Variants in ZNF830 observed in about 807,000 individuals in gnomAD.
The protein encoded by ZNF830 is zinc finger protein 830.
A neutral mutation model predicts 28.1 loss-of-function variants in ZNF830; 15 were observed. The ratio of observed to expected loss-of-function variants is 0.53; its 90% CI spans 0.36 to 0.82. ZNF830 has a LOEUF of 0.82. Among genes scored for constraint, ZNF830 ranks in the 40% least tolerant of loss-of-function variants. The pLI, the probability that ZNF830 is intolerant of heterozygous loss-of-function variation, is 0.01. For synonymous variants in ZNF830, 208 were observed against 185.3 expected (o/e 1.12, Z -0.99); for missense variants, 456 against 467.7 (o/e 0.97, Z 0.23).
At position 34,962,203 on chromosome 17, in the gene ZNF830, A is replaced by C. The variant is rs373195985; in HGVS notation, c.637A>C (p.Asn213His). The C allele has an allele frequency of 6.8e-6, 11 of 1,613,870 alleles. No homozygotes were observed. The highest frequency in any genetic ancestry group is 7.6e-6 in the Non-Finnish European group (9 of 1,180,034). Residue 213 changes from asparagine (N) to histidine (H), a missense_variant, in exon 1 of 1, where the codon AAT becomes CAT. Asn to His is a moderately conservative substitution (Grantham distance 68, BLOSUM62 1). Around this residue, in one of 2 missense-constraint regions of ZNF830, gnomAD observed 331 missense variants for 290.1 expected, o/e 1.14. Transcript: ENST00000361952. ...GCTGCCAAACGATTTCTTTAGTACT[A>C]ATCCTCCCAAGGCCCCCATAATTCC... ...SVLPNDFFST[N>H]PPKAPIIPHS...
chr17:34,961,662 C>T lies in ZNF830; in HGVS notation c.96C>T (p.Ser32=). ...TAATGAAGGAGAAGCAGCGTCTGAGCACCAGTCGGAAACGGATAGAATCTC... is the reference window on the plus strand; with the variant it reads ...TAATGAAGGAGAAGCAGCGTCTGAGTACCAGTCGGAAACGGATAGAATCTC... ...RRLMKEKQRL[S]TSRKRIESPF... The change falls in exon 1 of 1, where the codon AGC becomes AGT. Residue 32 remains serine (S), a synonymous_variant. Transcript: ENST00000361952. 1.9e-6 allele frequency: 3 copies of T among 1,614,182 alleles called. No homozygotes were observed. Among genetic ancestry groups the T allele is most frequent in the Non-Finnish European group, 1.7e-6 (2 of 1,180,040 alleles).
Position 34,961,830 on chromosome 17 carries a change from C to T in ZNF830, c.264C>T (p.Ala88=), listed in dbSNP as rs1462931218. The part of the protein sequence containing the change: ...KVAELKGAKE[A]SQGSSASSAP... ...CCGAGCTGAAAGGCGCGAAGGAAGC[C>T]AGCCAGGGTTCGTCCGCCAGTTCAG... The change falls in exon 1 of 1, where the codon GCC becomes GCT. Residue 88 remains alanine, a synonymous_variant. Transcript: ENST00000361952. The T allele has an allele frequency of 6.2e-7, 1 of 1,613,958 alleles. No individual in the cohort carries two copies. Among genetic ancestry groups the T allele is most frequent in the Non-Finnish European group, 8.5e-7 (1 of 1,179,990 alleles).
Position 34,962,354 on chromosome 17 carries a change from T to C in ZNF830, c.788T>C (p.Val263Ala), listed in dbSNP as rs752859511. ...DPEVDARVRK[V>A]DAPKDQMDKE... ...GAGGTAGATGCAAGAGTACGAAAGG[T>C]TGATGCTCCAAAAGATCAGATGGAC... The change falls in exon 1 of 1, where the codon GTT (valine) becomes GCT (alanine). Residue 263 changes from valine to alanine, a missense_variant. Physicochemically the swap from Val to Ala is moderately conservative, Grantham distance 64 (BLOSUM62 0). Transcript: ENST00000361952. 16 of 1,613,952 alleles carry C rather than the reference T, an allele frequency of 9.9e-6. No homozygotes were observed. The highest frequency in any genetic ancestry group is 1.0e-5 in the Non-Finnish European group (12 of 1,180,020).
rs1274068035 is a variant in ZNF830 at position 34,961,728 on chromosome 17, C to T, written c.162C>T (p.Ala54=). Residue 54 remains alanine, a synonymous_variant, in exon 1 of 1, where the codon GCC becomes GCT. Coordinates refer to ENST00000361952, the MANE Select transcript of ZNF830 (RefSeq NM_052857.4). ...ACCGTTTGGGGCAGCTGAGTTGTGC[C>T]CTGTGTAACACTCCGGTTAAGAGCG... is the stretch of plus-strand genomic sequence containing the variant. ...KYNRLGQLSC[A]LCNTPVKSEL... 1.2e-6 allele frequency: 2 copies of T among 1,614,142 alleles called. No individual in the cohort carries two copies. Among genetic ancestry groups the T allele is most frequent in the Non-Finnish European group, 8.5e-7 (1 of 1,180,028 alleles).
In ZNF830 at chr17:34,962,570, T is replaced by C. The variant is rs2090432927; in HGVS notation, c.1004T>C (p.Ile335Thr). The change falls in exon 1 of 1, where the codon ATC (isoleucine) becomes ACC (threonine). Residue 335 changes from isoleucine to threonine, a missense_variant. Transcript: ENST00000361952. ...GAAATAAAAAATAAACTTAAAGAAA[T>C]CCTGACCATAAAAGAACTGCAGAAA... is the stretch of plus-strand genomic sequence containing the variant. ...QDEIKNKLKE[I>T]LTIKELQKKE... 9.3e-6 allele frequency: 15 copies of C among 1,613,518 alleles called. No homozygotes were observed. The highest frequency in any genetic ancestry group is 1.3e-5 in the Non-Finnish European group (15 of 1,179,900).
rs1392448337 is a variant in ZNF830 at position 34,962,001 on chromosome 17, G to C, written c.435G>C (p.Ala145=). The change falls in exon 1 of 1, where the codon GCG becomes GCC. Residue 145 remains alanine, a synonymous_variant. Transcript: ENST00000361952. ...FDKIGKEFIR[A]TPSKPSGLSL... ...AAATAGGAAAGGAGTTCATTAGAGCGACTCCCAGTAAGCCTTCAGGACTCA... is the reference window on the plus strand; with the variant it reads ...AAATAGGAAAGGAGTTCATTAGAGCCACTCCCAGTAAGCCTTCAGGACTCA... The C allele has an allele frequency of 6.2e-7, 1 of 1,614,130 alleles. No homozygotes were observed. Among genetic ancestry groups the C allele is most frequent in the Non-Finnish European group, 8.5e-7 (1 of 1,180,030 alleles).
Position 34,963,007 on chromosome 17 carries a change from A to T in ZNF830, c.*322A>T. The T allele has an allele frequency of 4.7e-6, 1 of 214,262 alleles. No homozygotes were observed. Among genetic ancestry groups the T allele is most frequent in the Non-Finnish European group, 9.8e-6 (1 of 101,690 alleles). 13.3% of individuals were successfully genotyped at this position (214,262 alleles called of 1,614,324 possible). On this transcript the variant is annotated 3_prime_UTR_variant, in exon 1 of 1. Coordinates refer to ENST00000361952, the MANE Select transcript of ZNF830 (RefSeq NM_052857.4). ...TAGTTAAATCTGTATTCTGTTTTGA[A>T]TTTTTTTAATTAATAGAAAGACCAA...
rs200110878 is a variant in ZNF830 at position 34,961,618 on chromosome 17, C to A, written c.52C>A (p.Gln18Lys). 6.3e-5 allele frequency: 102 copies of A among 1,614,128 alleles called. 1 individual carries two copies. The East Asian group carries it at 1.2e-3, about 18-fold the overall frequency. ...RTPAGKRVIN[Q>K]EELRRLMKEK... ...TCCGGCAGGGAAGCGAGTGATAAAT[C>A]AGGAAGAATTGCGGCGGTTAATGAA... Residue 18 changes from glutamine (Q) to lysine (K), a missense_variant, in exon 1 of 1, where the codon CAG becomes AAG. Physicochemically the swap from Gln to Lys is moderately conservative, Grantham distance 53 (BLOSUM62 1). This residue lies in a region of ZNF830 where 331 missense variants were observed against 290.1 expected (regional missense o/e 1.14). Coordinates refer to ENST00000361952, the MANE Select transcript of ZNF830 (RefSeq NM_052857.4).
In ZNF830 at chr17:34,962,901, T is replaced by C. The variant is rs775750254; in HGVS notation, c.*216T>C. ...TGTTTTTGAAATTTCTGAAGTGTTA[T>C]ATACCAAAATGCCAACATTTCCACG... On this transcript the variant is annotated 3_prime_UTR_variant, in exon 1 of 1. Transcript: ENST00000361952. 109 of 716,944 alleles carry C rather than the reference T, an allele frequency of 1.5e-4. No homozygotes were observed. The highest frequency in any genetic ancestry group is 2.0e-4 in the Non-Finnish European group (96 of 491,376). 44.4% of individuals were successfully genotyped at this position (716,944 alleles called of 1,614,324 possible). A position where few individuals can be genotyped will look rare whatever the true frequency, so the allele number is the denominator to read the frequency against.
Position 34,962,619 on chromosome 17 carries a change from C to T in ZNF830, c.1053C>T (p.Ser351=). The T allele has an allele frequency of 1.2e-6, 2 of 1,613,012 alleles. No individual in the cohort carries two copies. Among genetic ancestry groups the T allele is most frequent in the Non-Finnish European group, 1.7e-6 (2 of 1,179,696 alleles). The change falls in exon 1 of 1, where the codon AGC becomes AGT. Residue 351 remains serine, a synonymous_variant. Transcript: ENST00000361952. The stretch of plus-strand genomic sequence containing the variant: ...AAAAGGAAGAAGAGAATGCTGACAG[C>T]GATGATGAGGGGGAACTACAGGATT... ...LQKKEEENAD[S]DDEGELQDLL...
rs1326694709 is a variant in ZNF830, at chr17:34,963,404, A to G, written c.*719A>G. 1.3e-5 allele frequency: 2 copies of G among 152,272 alleles called. No homozygotes were observed. Among genetic ancestry groups the G allele is most frequent in the Admixed American group, 6.5e-5 (1 of 15,286 alleles). The allele number at this position is 152,272 out of a possible 1,614,324, so 9.4% of individuals were successfully genotyped here. A position where few individuals can be genotyped will look rare whatever the true frequency, so the allele number is the denominator to read the frequency against. On this transcript the variant is annotated 3_prime_UTR_variant, in exon 1 of 1. Transcript: ENST00000361952. The stretch of plus-strand genomic sequence containing the variant: ...GGTTATTCTAATATATGCCAGGGTT[A>G]GAGAGTAACTGCCCTAAATCCAGAA...
In ZNF830 at chr17:34,962,325, C is replaced by T. The variant is rs773854614; in HGVS notation, c.759C>T (p.Asp253=). The part of the protein sequence containing the change: ...AEALPEGFFD[D]PEVDARVRKV... ...CGTTACCGGAAGGTTTTTTTGACGACCCTGAGGTAGATGCAAGAGTACGAA... is the reference window on the plus strand; with the variant it reads ...CGTTACCGGAAGGTTTTTTTGACGATCCTGAGGTAGATGCAAGAGTACGAA... The change falls in exon 1 of 1, where the codon GAC becomes GAT. Residue 253 remains aspartate, a synonymous_variant. Transcript: ENST00000361952. The T allele has an allele frequency of 5.6e-6, 9 of 1,613,866 alleles. No homozygotes were observed. Among genetic ancestry groups the T allele is most frequent in the African/African-American group, 5.3e-5 (4 of 74,892 alleles).
At position 34,962,037 on chromosome 17, in the gene ZNF830, C is replaced by T; in HGVS notation, c.471C>T (p.Pro157=). Residue 157 remains proline (P), a synonymous_variant, in exon 1 of 1, where the codon CCC becomes CCT. Coordinates refer to ENST00000361952, the MANE Select transcript of ZNF830 (RefSeq NM_052857.4). ...AGCCTTCAGGACTCAGTTTACTCCC[C>T]GATTATGAAGATGAGGAGGAGGAGG... ...PSKPSGLSLL[P]DYEDEEEEEE... 1 of 1,613,998 alleles carries T rather than the reference C, an allele frequency of 6.2e-7. No homozygotes were observed.
In ZNF830 at chr17:34,962,789, G is replaced by C. The variant is rs2142195985; in HGVS notation, c.*104G>C. 1 of 1,477,230 alleles carries C rather than the reference G, an allele frequency of 6.8e-7. No individual in the cohort carries two copies. The highest frequency in any genetic ancestry group is 9.0e-7 in the Non-Finnish European group (1 of 1,116,538). 91.5% of individuals were successfully genotyped at this position (1,477,230 alleles called of 1,614,324 possible). On this transcript the variant is annotated 3_prime_UTR_variant, in exon 1 of 1. Coordinates refer to ENST00000361952, the MANE Select transcript of ZNF830 (RefSeq NM_052857.4). ...TCATGCCTCAAGATTTGGGTACCTG[G>C]ATTGCTAAACTGGATTGTTGAGATA...
chr17:34,963,199 G>A lies in ZNF830; in HGVS notation c.*514G>A, dbSNP rs1456770074. 1.2e-5 allele frequency: 2 copies of A among 166,510 alleles called. No individual in the cohort carries two copies. The highest frequency in any genetic ancestry group is 2.9e-5 in the Non-Finnish European group (2 of 68,230). 10.3% of individuals were successfully genotyped at this position (166,510 alleles called of 1,614,324 possible). A position where few individuals can be genotyped will look rare whatever the true frequency, so the allele number is the denominator to read the frequency against. ...CATTGTAGGTTAATCAGTTCTCTTA[G>A]TGTGCTTTATTTTAAAAACATAAGA... is the stretch of plus-strand genomic sequence containing the variant. On this transcript the variant is annotated 3_prime_UTR_variant, in exon 1 of 1. Coordinates refer to ENST00000361952, the MANE Select transcript of ZNF830 (RefSeq NM_052857.4).
Position 34,962,772 on chromosome 17 carries a change from C to G in ZNF830, c.*87C>G. 2 of 1,479,734 alleles carry G rather than the reference C, an allele frequency of 1.4e-6. No homozygotes were observed. The highest frequency in any genetic ancestry group is 2.4e-5 in the East Asian group (1 of 41,932). The allele number at this position is 1,479,734 out of a possible 1,614,324, so 91.7% of individuals were successfully genotyped here. On this transcript the variant is annotated 3_prime_UTR_variant, in exon 1 of 1. Transcript: ENST00000361952. ...GTAGTATAGCGGTTACTTCATGCCT[C>G]AAGATTTGGGTACCTGGATTGCTAA...
chr17:34,961,845 C>A lies in ZNF830; in HGVS notation c.279C>A (p.Ser93=). The change falls in exon 1 of 1, where the codon TCC becomes TCA. Residue 93 remains serine, a synonymous_variant. Transcript: ENST00000361952. ...KGAKEASQGS[S]ASSAPHSVKR... is the part of the protein sequence containing the mutation. ...CGAAGGAAGCCAGCCAGGGTTCGTCCGCCAGTTCAGCGCCTCATTCCGTCA... is the reference window on the plus strand; with the variant it reads ...CGAAGGAAGCCAGCCAGGGTTCGTCAGCCAGTTCAGCGCCTCATTCCGTCA... The A allele has an allele frequency of 6.2e-7, 1 of 1,613,996 alleles. No individual in the cohort carries two copies. The highest frequency in any genetic ancestry group is 8.5e-7 in the Non-Finnish European group (1 of 1,180,014).
rs1309688234 is a variant in ZNF830, at chr17:34,962,003, C to T, written c.437C>T (p.Thr146Ile). ...DKIGKEFIRA[T>I]PSKPSGLSLL... ...ATAGGAAAGGAGTTCATTAGAGCGA[C>T]TCCCAGTAAGCCTTCAGGACTCAGT... is the stretch of plus-strand genomic sequence containing the variant. The change falls in exon 1 of 1, where the codon ACT (threonine) becomes ATT (isoleucine). Residue 146 changes from threonine (T) to isoleucine (I), a missense_variant. Physicochemically the swap from Thr to Ile is moderately conservative, Grantham distance 89. Transcript: ENST00000361952. The T allele has an allele frequency of 4.3e-6, 7 of 1,614,016 alleles. No individual in the cohort carries two copies. The East Asian group carries it at 1.6e-4, about 36-fold the overall frequency.
rs1486613445 is a variant in ZNF830 at position 34,962,157 on chromosome 17, A to G, written c.591A>G (p.Ser197=). The G allele has an allele frequency of 6.2e-7, 1 of 1,614,152 alleles. No individual in the cohort carries two copies. Among genetic ancestry groups the G allele is most frequent in the East Asian group, 2.2e-5 (1 of 44,878 alleles). The change falls in exon 1 of 1, where the codon TCA becomes TCG. Residue 197 remains serine, a synonymous_variant. Transcript: ENST00000361952. ...AQGKEHSVSS[S]REVTSSVLPN... ...GCAAGGAGCACTCAGTTTCCTCTTC[A>G]CGGGAGGTAACAAGTAGTGTGCTGC... is the stretch of plus-strand genomic sequence containing the variant.
Sources: allele counts gnomAD v4.1 joint callset, GRCh38; gene constraint gnomAD v4.1.1; regional missense constraint gnomAD v4.1.1; transcripts MANE v1.5; gene names NCBI Gene and HGNC (gene_info 2026-07-23, HGNC 2026-07-21).